ACADL: variants seen among roughly 807,000 people sequenced by gnomAD.
The protein encoded by ACADL is long-chain specific acyl-CoA dehydrogenase, mitochondrial.
ACADL carries 60 observed loss-of-function variants against 56.9 expected under a neutral mutation model. The observed-to-expected ratio is 1.05, with a 90% confidence interval of 0.86 to 1.31. The LOEUF is 1.31. Among genes scored for constraint, ACADL ranks in the 50% most tolerant of loss-of-function variants. The pLI, the probability that ACADL is intolerant of heterozygous loss-of-function variation, is 0.00. For synonymous variants in ACADL, 158 were observed against 179.7 expected, an observed-to-expected ratio of 0.88 and a Z score of 0.97; for missense variants, 484 against 525.5, an observed-to-expected ratio of 0.92 and a Z score of 0.77.
chr2:210,217,909 A>G (rs1439347133), intron 3 of ACADL, 56 bp downstream of exon 3: 5 of 1,592,984 alleles, frequency 3.1e-6, no homozygotes, highest in Non-Finnish European at 4.3e-6. Context: ...TCATTTCAGA[A>G]AGGTGAGTGG....
chr2:210,191,950 A>G (rs1489159546), intron 10 of ACADL, among the ~76,000 whole-genome samples: 1 of 152,128 alleles, frequency 6.6e-6, no homozygotes, highest in Admixed American at 6.6e-5. Context: ...AGAAATATGA[A>G]TGGGGACACT....
rs1182177378 is a variant in ACADL, at chr2:210,220,806, A to T, written c.78-4T>A. ...TTCCCCTCCGGAATGAGAACATCTTAAAAATATATATATGCAATAGGAAAA... is the reference window on the plus strand; with the variant it reads ...TTCCCCTCCGGAATGAGAACATCTTTAAAATATATATATGCAATAGGAAAA... On this transcript the variant is annotated splice_polypyrimidine_tract_variant and splice_region_variant and intron_variant, in intron 1 of 10. Coordinates refer to ENST00000233710, the MANE Select transcript of ACADL (RefSeq NM_001608.4). The T allele has an allele frequency of 1.3e-6, 2 of 1,587,026 alleles. No homozygotes were observed. The highest frequency in any genetic ancestry group is 1.7e-6 in the Non-Finnish European group (2 of 1,163,542).
rs569573440 is a variant in ACADL, at chr2:210,216,984, C to G, written c.372-473G>C. ...ATGGAGTCATGGAGTGAATTTTGTA[C>G]TTTGCTATTTTCTTTTAAAATTATG... On this transcript the variant is annotated intron_variant, in intron 3 of 10. Coordinates refer to ENST00000233710, the MANE Select transcript of ACADL (RefSeq NM_001608.4). 2.4e-4 allele frequency among the ~76,000 whole-genome samples: 36 copies of G among 151,826 alleles called. 1 individual carries two copies. The South Asian group carries it at 7.3e-3, about 31-fold the overall frequency.
chr2:210,196,589 C>T (rs1688714028), intron 8 of ACADL, among the ~76,000 whole-genome samples: 1 of 152,170 alleles, frequency 6.6e-6, no homozygotes, highest in Non-Finnish European at 1.5e-5. Context: ...CTCTTTGGCA[C>T]TGACTCTTGA....
intron 4 of ACADL, among the ~76,000 whole-genome samples, chr2:210,214,467 A>AAAAAGAAAGAAAGAAAG (rs768537049): frequency 8.2e-6 from 1 of 122,336 alleles, no homozygotes; most frequent in African/African-American, 3.1e-5. Context: ...GACCTTCCAA[A>AAAAAGAAAGAAAGAAAG]AAAGAAAGAA....
intron 4 of ACADL, among the ~76,000 whole-genome samples, chr2:210,210,840 G>T (rs1440957439): frequency 6.6e-6 from 1 of 152,096 alleles, no homozygotes; most frequent in Non-Finnish European, 1.5e-5. Flanking sequence ...CAGCTACTTG[G>T]GAGGCAGAAG....
chr2:210,199,801 A>G (rs1309765748), intron 8 of ACADL, among the ~76,000 whole-genome samples: 2 of 152,122 alleles, frequency 1.3e-5, no homozygotes, highest in African/African-American at 4.8e-5. Context: ...CTAGAGTACA[A>G]TAGTGAGATC....
At chr2:210,214,381 C>G (rs1689038336) in intron 4 of ACADL, among the ~76,000 whole-genome samples, 1 of 151,894 alleles carries the variant, frequency 6.6e-6, no homozygotes, top group South Asian at 2.1e-4. Flanking sequence ...TTCTTATATT[C>G]TCTTACCCAC....
intron 8 of ACADL, among the ~76,000 whole-genome samples, chr2:210,201,027 C>T (rs998298871): frequency 1.3e-5 from 2 of 152,160 alleles, no homozygotes; most frequent in Non-Finnish European, 2.9e-5. Flanking sequence ...CTGAAAAACC[C>T]GACTGCTGGT....
At chr2:210,192,341 TAGCC>T (rs1688647326) in intron 10 of ACADL, among the ~76,000 whole-genome samples, 1 of 151,942 alleles carries the variant, frequency 6.6e-6, no homozygotes, top group African/African-American at 2.4e-5. Flanking sequence ...ACAAAAAAAT[TAGCC>T]AGGTGTCATG....
At chr2:210,222,558 G>T (rs193189985) in intron 1 of ACADL, among the ~76,000 whole-genome samples, 2 of 151,840 alleles carry the variant, frequency 1.3e-5, no homozygotes, top group East Asian at 3.9e-4. Flanking sequence ...GTCAGGGTAG[G>T]TTAAACCAGA....
At chr2:210,225,166 G>A in intron 1 of ACADL, 21 bp downstream of exon 1, 8 of 1,529,068 alleles carry the variant, frequency 5.2e-6, no homozygotes, top group Non-Finnish European at 7.0e-6. Context: ...TGCAGCCGCG[G>A]AAGTCCCGGC....
At chr2:210,196,760 A>C (rs2125709817) in intron 8 of ACADL, among the ~76,000 whole-genome samples, 1 of 152,336 alleles carries the variant, frequency 6.6e-6, no homozygotes, top group Admixed American at 6.5e-5. Flanking sequence ...AGTTCTGATC[A>C]TTCTGCTGTG....
chr2:210,214,133 G>T (rs1481587230), intron 4 of ACADL, among the ~76,000 whole-genome samples: 1 of 152,086 alleles, frequency 6.6e-6, no homozygotes, highest in Non-Finnish European at 1.5e-5. Flanking sequence ...AGGGGAAAGG[G>T]CCAGTGAAAC....
chr2:210,193,600 AC>A (rs1228875690), intron 9 of ACADL, among the ~76,000 whole-genome samples: 2 of 152,150 alleles, frequency 1.3e-5, no homozygotes, highest in African/African-American at 4.8e-5. Context: ...GATTTTATTC[AC>A]CTTAACATAA....
rs201029197 is a variant in ACADL at position 210,204,605 on chromosome 2, A to G, written c.846T>C (p.Tyr282=). 6.2e-7 allele frequency: 1 copy of G among 1,610,772 alleles called. No individual in the cohort carries two copies. The highest frequency in any genetic ancestry group is 1.7e-5 in the Admixed American group (1 of 59,980). Residue 282 remains tyrosine (Y), a synonymous_variant, in exon 7 of 11, where the codon TAT becomes TAC. Coordinates refer to ENST00000233710, the MANE Select transcript of ACADL (RefSeq NM_001608.4). ...ALLGEENKGF[Y]YIMKELPQER... ...CCTGTGGAAGCTCTTTCATGATGTA[A>G]TAGAAGCCTTTATTCTCTTCTCCAA...
chr2:210,197,764 C>G (rs2125710158), intron 8 of ACADL, among the ~76,000 whole-genome samples: 1 of 152,198 alleles, frequency 6.6e-6, no homozygotes, highest in Non-Finnish European at 1.5e-5. Flanking sequence ...AGAGTCATTC[C>G]TTTGTAAATG....
intron 1 of ACADL, among the ~76,000 whole-genome samples, chr2:210,224,018 G>T (rs781573011): frequency 9.2e-5 from 14 of 151,920 alleles, no homozygotes; most frequent in Non-Finnish European, 1.8e-4. Context: ...ACGAGGTCAG[G>T]AGTTTGAGCC....
At chr2:210,222,785 C>T (rs185087005) in intron 1 of ACADL, among the ~76,000 whole-genome samples, 30 of 152,200 alleles carry the variant, frequency 2.0e-4, no homozygotes, top group Admixed American at 1.7e-3. Context: ...TAACAGGGGA[C>T]CAGGACATGC....
Sources: gnomAD v4.1 joint callset for allele counts (sites outside exome capture counted in the v4.1 genomes callset) on GRCh38, gnomAD v4.1.1 for gene constraint, MANE v1.5 for transcripts, NCBI Gene and HGNC (gene_info 2026-07-23, HGNC 2026-07-21) for gene names.